The following LRRK1 variants were observed in gnomAD, a reference collection of about 807,000 sequenced individuals.
The protein encoded by LRRK1 is leucine rich repeat kinase 1, also known as leucine-rich repeat serine/threonine-protein kinase 1.
LRRK1 carries 113 observed loss-of-function variants against 209.1 expected under a neutral mutation model. The observed-to-expected ratio is 0.54, with a 90% confidence interval of 0.46 to 0.63. The LOEUF is 0.63. Among genes scored for constraint, LRRK1 ranks in the 30% least tolerant of loss-of-function variants. The pLI is 0.00. For synonymous variants in LRRK1, 1,144 were observed against 1,099.7 expected (o/e 1.04, Z -0.80); for missense variants, 2,284 against 2,632.2 (o/e 0.87, Z 2.89).
chr15:100,935,066 G>C (rs2042277431), intron 2 of LRRK1, among the ~76,000 whole-genome samples: 1 of 152,172 alleles, frequency 6.6e-6, no homozygotes, highest in Non-Finnish European at 1.5e-5. Context: ...CCTGGTCTTA[G>C]TCCTACACTC....
chr15:101,004,681 A>C (rs77390272), intron 6 of LRRK1, among the ~76,000 whole-genome samples: 1 of 152,190 alleles, frequency 6.6e-6, no homozygotes, highest in African/African-American at 2.4e-5. Context: ...GCTCACCTCC[A>C]CTGCGGCTTG....
rs760352167 is a variant in LRRK1, at chr15:101,056,867, C to T, written c.4344C>T (p.Phe1448=). 18 of 1,603,776 alleles carry T rather than the reference C, an allele frequency of 1.1e-5. No individual in the cohort carries two copies. The African/African-American group carries it at 2.3e-4, about 20-fold the overall frequency. The change falls in exon 28 of 34, where the codon TTC becomes TTT. Residue 1448 remains phenylalanine (F), a synonymous_variant. Transcript: ENST00000388948. ...TGTTCTGTGCCCAGGTAGATATGTT[C>T]TCCTATGGAATGGTGCTCTACGAGT... The part of the protein sequence containing the change: ...RIVYDEKVDM[F]SYGMVLYELL...
At chr15:101,050,113 G>C (rs1454557153) in intron 23 of LRRK1, among the ~76,000 whole-genome samples, 3 of 152,186 alleles carry the variant, frequency 2.0e-5, no homozygotes, top group East Asian at 3.9e-4. Context: ...CACGTGTCTT[G>C]TTTTCATAGT....
intron 1 of LRRK1, among the ~76,000 whole-genome samples, chr15:100,923,332 G>A (rs1054434994): frequency 2.0e-5 from 3 of 152,116 alleles, no homozygotes; most frequent in African/African-American, 7.2e-5. Context: ...CACCTTTAAC[G>A]TCCACGCTAT....
At chr15:100,968,982 A>G (rs573275679) in intron 2 of LRRK1, among the ~76,000 whole-genome samples, 1 of 152,234 alleles carries the variant, frequency 6.6e-6, no homozygotes, top group East Asian at 1.9e-4. Context: ...CTGGGACTAC[A>G]GGTGTGCACC....
At chr15:101,050,237 G>GC (rs1007630916) in intron 23 of LRRK1, among the ~76,000 whole-genome samples, 2 of 152,208 alleles carry the variant, frequency 1.3e-5, no homozygotes, top group African/African-American at 4.8e-5. Flanking sequence ...CTCCTCCCCT[G>GC]CCACCCCACC....
At chr15:100,979,487 G>T (rs535886864) in intron 3 of LRRK1, among the ~76,000 whole-genome samples, 1 of 152,228 alleles carries the variant, frequency 6.6e-6, no homozygotes, top group East Asian at 1.9e-4. Flanking sequence ...AGATATGAAA[G>T]AAATAAATTA....
chr15:101,021,707 T>G (rs1596285353), intron 13 of LRRK1, 138 bp from the exon 14 acceptor site: 2 of 604,372 alleles, frequency 3.3e-6, no homozygotes, highest in Non-Finnish European at 5.9e-6. Flanking sequence ...GAATTAGTGT[T>G]GAAATCAGGG....
intron 27 of LRRK1, among the ~76,000 whole-genome samples, chr15:101,055,692 A>T (rs1367219836): frequency 6.6e-6 from 1 of 152,054 alleles, no homozygotes; most frequent in East Asian, 1.9e-4. Flanking sequence ...AGAGTGAAAG[A>T]GCAAGCTGGC....
In LRRK1 at chr15:101,061,152, C is replaced by G. The variant is rs2036151754; in HGVS notation, c.4680-19C>G. The G allele has an allele frequency of 1.3e-6, 2 of 1,560,538 alleles. No individual in the cohort carries two copies. Among genetic ancestry groups the G allele is most frequent in the African/African-American group, 2.8e-5 (2 of 70,610 alleles). On this transcript the variant is annotated intron_variant, in intron 29 of 33. Coordinates refer to ENST00000388948, the MANE Select transcript of LRRK1 (RefSeq NM_024652.6). The stretch of plus-strand genomic sequence containing the variant: ...CCCTGGCCCCCGGGCACTGACAGCA[C>G]AGTTTCTGCCACTTACAGGAACTAC...
At chr15:100,967,634 G>A (rs1480858266) in intron 2 of LRRK1, among the ~76,000 whole-genome samples, 1 of 152,046 alleles carries the variant, frequency 6.6e-6, no homozygotes, top group Non-Finnish European at 1.5e-5. Flanking sequence ...ATAGACATTA[G>A]GACTCATATT....
At chr15:100,921,789 T>A (rs2042026719) in intron 1 of LRRK1, among the ~76,000 whole-genome samples, 2 of 152,232 alleles carry the variant, frequency 1.3e-5, no homozygotes, top group South Asian at 4.1e-4. Flanking sequence ...CAATCTTGGC[T>A]CACTGCAACC....
Position 101,070,816 on chromosome 15 carries a change from A to G in LRRK1, c.*1968A>G, listed in dbSNP as rs1308607809. On this transcript the variant is annotated 3_prime_UTR_variant, in exon 34 of 34. Coordinates refer to ENST00000388948, the MANE Select transcript of LRRK1 (RefSeq NM_024652.6). ...TAAAAAAAAAAAAAAAATACAGGAAATGACTAATGAACTTGACTCCATGAA... is the reference window on the plus strand; with the variant it reads ...TAAAAAAAAAAAAAAAATACAGGAAGTGACTAATGAACTTGACTCCATGAA... 2.0e-5 allele frequency: 3 copies of G among 152,002 alleles called. No homozygotes were observed. Among genetic ancestry groups the G allele is most frequent in the Admixed American group, 1.3e-4 (2 of 15,262 alleles). The allele number at this position is 152,002 out of a possible 1,614,324, so 9.4% of individuals were successfully genotyped here. A position where few individuals can be genotyped will look rare whatever the true frequency, so the allele number is the denominator to read the frequency against.
rs561043463 is a variant in LRRK1 at position 101,007,747 on chromosome 15, C to G, written c.763-1090C>G. Among the ~76,000 whole-genome samples the G allele has an allele frequency of 1.1e-4, 16 of 152,252 alleles. No homozygotes were observed. In the South Asian group the frequency reaches 3.3e-3, roughly 32 times the overall value. The stretch of plus-strand genomic sequence containing the variant: ...GGTAGGGGTGCAAAGTTGGCTCTCT[C>G]GGGTTGGTCCTAAATGGAAAGTGAG... On this transcript the variant is annotated intron_variant, in intron 6 of 33. Coordinates refer to ENST00000388948, the MANE Select transcript of LRRK1 (RefSeq NM_024652.6).
At position 101,027,586 on chromosome 15, in the gene LRRK1, G is replaced by A; in HGVS notation, c.2527-52G>A. On this transcript the variant is annotated intron_variant, in intron 18 of 33. Coordinates refer to ENST00000388948, the MANE Select transcript of LRRK1 (RefSeq NM_024652.6). This position sits in a 1 kb window ranked among gnomAD's most constrained non-coding sequence, Gnocchi z 5.1. ...GGCCGGGCAGGATCTGCCCAAGCTG[G>A]CAGGTGTGCCTTGGGACCTGAGAGA... 6.3e-7 allele frequency: 1 copy of A among 1,587,458 alleles called. No individual in the cohort carries two copies. The highest frequency in any genetic ancestry group is 1.1e-5 in the South Asian group (1 of 87,496).
At chr15:101,005,717 C>T (rs545581449) in intron 6 of LRRK1, among the ~76,000 whole-genome samples, 2 of 152,318 alleles carry the variant, frequency 1.3e-5, no homozygotes, top group East Asian at 3.9e-4. Flanking sequence ...CGATATGTCA[C>T]AGGAACACAG....
intron 2 of LRRK1, among the ~76,000 whole-genome samples, chr15:100,970,110 G>C (rs113050523): frequency 6.6e-6 from 1 of 152,180 alleles, no homozygotes; most frequent in Non-Finnish European, 1.5e-5. Flanking sequence ...GGCTGGTCTC[G>C]TACTCCTGGC....
chr15:101,078,183 C>G lies in LRRK1; in HGVS notation c.*9335C>G, dbSNP rs1420567317. On this transcript the variant is annotated 3_prime_UTR_variant, in exon 34 of 34. Coordinates refer to ENST00000388948, the MANE Select transcript of LRRK1 (RefSeq NM_024652.6). ...CTATAAAACGGCCCCACCCCCATCT[C>G]CCTGCACTGACTCTCTTTTCGGACT... is the stretch of plus-strand genomic sequence containing the variant. The G allele has an allele frequency of 6.6e-6, 1 of 152,236 alleles. No homozygotes were observed. Among genetic ancestry groups the G allele is most frequent in the Admixed American group, 6.5e-5 (1 of 15,290 alleles). 9.4% of individuals were successfully genotyped at this position (152,236 alleles called of 1,614,324 possible).
intron 20 of LRRK1, among the ~76,000 whole-genome samples, chr15:101,036,952 G>A (rs1393865512): frequency 6.6e-6 from 1 of 152,222 alleles, no homozygotes; most frequent in Non-Finnish European, 1.5e-5. Context: ...AAGTTTTGCT[G>A]GGAACAGGGA....
Sources: allele counts gnomAD v4.1 joint callset (sites outside exome capture counted in the v4.1 genomes callset), GRCh38; gene constraint gnomAD v4.1.1; non-coding constraint Gnocchi (gnomAD v3.1); transcripts MANE v1.5; gene names NCBI Gene and HGNC (gene_info 2026-07-23, HGNC 2026-07-21).